EYS: variants seen among roughly 807,000 people sequenced by gnomAD.
The protein encoded by EYS is protein eyes shut homolog.
A neutral mutation model predicts 282.1 loss-of-function variants in EYS; 250 were observed. The ratio of observed to expected loss-of-function variants is 0.89; its 90% CI spans 0.80 to 0.98. The LOEUF is 0.98. Among genes scored for constraint, EYS ranks in the 50% least tolerant of loss-of-function variants. The probability of loss-of-function intolerance (pLI) is 0.00; values close to 1 mark genes in which losing one functional copy is unlikely to be tolerated. For missense variants in EYS, 4,016 were observed against 3,709.0 expected, an observed-to-expected ratio of 1.08 and a Z score of -2.15; for synonymous variants, 1,355 against 1,282.9, an observed-to-expected ratio of 1.06 and a Z score of -1.20.
At chr6:64,423,925 C>G (rs1774317695) in intron 28 of EYS, among the ~76,000 whole-genome samples, 1 of 152,144 alleles carries the variant, frequency 6.6e-6, no homozygotes, top group Non-Finnish European at 1.5e-5. Context: ...TGAACACAAT[C>G]ACTTTTGATT....
At chr6:63,756,071 G>T (rs1279750676) in intron 41 of EYS, among the ~76,000 whole-genome samples, 1 of 152,188 alleles carries the variant, frequency 6.6e-6, no homozygotes, top group Non-Finnish European at 1.5e-5. Flanking sequence ...CATGTCATCT[G>T]CAAACAGAGA....
At chr6:65,488,646 C>T (rs908946213) in intron 5 of EYS, among the ~76,000 whole-genome samples, 4 of 151,940 alleles carry the variant, frequency 2.6e-5, no homozygotes, top group Admixed American at 6.6e-5. Flanking sequence ...CATATGGAAC[C>T]AAAAAAGAGC....
rs966745404 is a variant in EYS, at chr6:63,984,472, G to A, written c.6966C>T (p.Ile2322=). Residue 2322 remains isoleucine (I), a synonymous_variant, in exon 35 of 43, where the codon ATC becomes ATT. Transcript: ENST00000503581. ...TATTCTTTCCATGTCGTGCTTCATC[G>A]ATGATGAAGAATTCTTTGTTGTTTA... is the stretch of plus-strand genomic sequence containing the variant. ...LQVNNKEFFI[I]DEARHGKNIE... The A allele has an allele frequency of 7.8e-6, 12 of 1,548,124 alleles. No homozygotes were observed. The highest frequency in any genetic ancestry group is 5.5e-5 in the African/African-American group (4 of 72,786).
At chr6:64,925,606 T>G in intron 15 of EYS, among the ~76,000 whole-genome samples, 1 of 152,162 alleles carries the variant, frequency 6.6e-6, no homozygotes, top group Admixed American at 6.5e-5. Context: ...GAAGTAGATC[T>G]TAAGGCCAGA....
At chr6:63,792,335 C>A (rs1440046967) in intron 37 of EYS, among the ~76,000 whole-genome samples, 1 of 151,990 alleles carries the variant, frequency 6.6e-6, no homozygotes, top group Non-Finnish European at 1.5e-5. Context: ...TGAGTATCAA[C>A]TCTGGTAGTA....
At chr6:65,518,886 C>T (rs1437803011) in intron 2 of EYS, among the ~76,000 whole-genome samples, 2 of 152,008 alleles carry the variant, frequency 1.3e-5, no homozygotes, top group South Asian at 2.1e-4. Flanking sequence ...GAGAAAGACC[C>T]GCCCCCATAA....
At chr6:64,954,724 A>G (rs1172504161) in intron 14 of EYS, among the ~76,000 whole-genome samples, 1 of 152,190 alleles carries the variant, frequency 6.6e-6, no homozygotes, top group African/African-American at 2.4e-5. Flanking sequence ...ATGGTGGAAT[A>G]GAAAGCTTCG....
intron 26 of EYS, among the ~76,000 whole-genome samples, chr6:64,457,873 A>ACTT (rs1230752904): frequency 1.3e-5 from 2 of 151,832 alleles, no homozygotes; most frequent in African/African-American, 4.8e-5. Context: ...ATAGATAAGG[A>ACTT]CTTATAACTG....
At chr6:64,004,081 G>A (rs1768222582) in intron 33 of EYS, among the ~76,000 whole-genome samples, 1 of 152,088 alleles carries the variant, frequency 6.6e-6, no homozygotes, top group African/African-American at 2.4e-5. Context: ...TAGAACTTAT[G>A]TTAGACATTT....
At position 65,568,796 on chromosome 6, in the gene EYS, C is replaced by T. The variant is rs543514935; in HGVS notation, c.-333+70982G>A. On this transcript the variant is annotated intron_variant, in intron 2 of 42. Coordinates refer to ENST00000503581, the MANE Select transcript of EYS (RefSeq NM_001142800.2). ...TTACTCATGACTTATCTCAAGAATA[C>T]AAAATTGAAGAATTAGAGACAAATG... is the stretch of plus-strand genomic sequence containing the variant. Among the ~76,000 whole-genome samples the T allele has an allele frequency of 3.9e-5, 6 of 152,182 alleles. No homozygotes were observed. The South Asian group carries it at 1.0e-3, about 26-fold the overall frequency.
At chr6:63,967,287 T>C (rs1766355131) in intron 35 of EYS, among the ~76,000 whole-genome samples, 1 of 152,194 alleles carries the variant, frequency 6.6e-6, no homozygotes, top group Non-Finnish European at 1.5e-5. Context: ...TTATTAATTG[T>C]TTATTTTTGG....
chr6:64,840,463 A>G (rs1430111367), intron 19 of EYS, among the ~76,000 whole-genome samples: 2 of 152,274 alleles, frequency 1.3e-5, no homozygotes, highest in African/African-American at 4.8e-5. Context: ...TAATGGGTTG[A>G]TTCCCAGCTA....
chr6:63,803,694 G>A (rs1427321405), intron 37 of EYS, among the ~76,000 whole-genome samples: 1 of 152,204 alleles, frequency 6.6e-6, no homozygotes, highest in Non-Finnish European at 1.5e-5. Flanking sequence ...TGTTCTTATT[G>A]TGGTTATTTT....
At chr6:64,915,781 A>C (rs2150078507) in intron 15 of EYS, among the ~76,000 whole-genome samples, 1 of 152,314 alleles carries the variant, frequency 6.6e-6, no homozygotes, top group Middle Eastern at 3.4e-3. Context: ...TGAAATATGT[A>C]GAAGAGATAT....
Position 65,209,537 on chromosome 6 carries a change from T to G in EYS, c.2023+86326A>C, listed in dbSNP as rs141989286. On this transcript the variant is annotated intron_variant, in intron 12 of 42. Transcript: ENST00000503581. ...TGATTTTCTGGCCCAATTTAATGTT[T>G]TATGCATTTGTTAATCTGAAAATAT... Among the ~76,000 whole-genome samples the G allele has an allele frequency of 5.1e-3, 783 of 152,066 alleles. 6 individuals are homozygous for G. The highest frequency in any genetic ancestry group is 0.018 in the African/African-American group (752 of 41,530).
In EYS at chr6:64,599,742, G is replaced by A. The variant is rs537258146; in HGVS notation, c.3685-6433C>T. ...TAGAGCTAGAAAATGGCAGAGCAAA[G>A]ATTTTTACCTAAGAAGTGAGGCTCC... On this transcript the variant is annotated intron_variant, in intron 24 of 42. Transcript: ENST00000503581. Among the ~76,000 whole-genome samples, 19 of 152,206 alleles carry A rather than the reference G, an allele frequency of 1.2e-4. No homozygotes were observed. In the South Asian group the frequency reaches 3.7e-3, roughly 30 times the overall value.
At chr6:64,283,912 G>A (rs1181702577) in intron 30 of EYS, among the ~76,000 whole-genome samples, 2 of 152,070 alleles carry the variant, frequency 1.3e-5, no homozygotes, top group Admixed American at 1.3e-4. Context: ...CCGCCTCCAC[G>A]ATTCAAATTA....
chr6:64,173,723 T>C (rs1459346967), intron 31 of EYS, among the ~76,000 whole-genome samples: 2 of 152,204 alleles, frequency 1.3e-5, no homozygotes, highest in African/African-American at 4.8e-5. Flanking sequence ...TTCACTTTGT[T>C]GCTATATGCT....
At position 64,578,597 on chromosome 6, in the gene EYS, T is replaced by C. The variant is rs953410627; in HGVS notation, c.5644+11626A>G. On this transcript the variant is annotated intron_variant, in intron 26 of 42. Transcript: ENST00000503581. ...TATCACATTCTCTTTCTCTCTCTCT[T>C]TGTGTGTGTGTGTGTGTGTGTGTGG... Among the ~76,000 whole-genome samples the C allele has an allele frequency of 6.5e-3, 958 of 147,996 alleles. 13 individuals are homozygous for C. Among genetic ancestry groups the C allele is most frequent in the Non-Finnish European group, 5.5e-3 (363 of 66,444 alleles).
Sources: gnomAD v4.1 joint callset for allele counts (sites outside exome capture counted in the v4.1 genomes callset) on GRCh38, gnomAD v4.1.1 for gene constraint, MANE v1.5 for transcripts, NCBI Gene and HGNC (gene_info 2026-07-23, HGNC 2026-07-21) for gene names.